The following GHR variants were observed in gnomAD, a reference collection of about 807,000 sequenced individuals.
GHR encodes the protein growth hormone receptor, also known as GH receptor.
A neutral mutation model predicts 67.1 loss-of-function variants in GHR; 35 were observed. The ratio of observed to expected loss-of-function variants is 0.52; its 90% CI spans 0.40 to 0.69. The LOEUF is 0.69. Among genes scored for constraint, GHR ranks in the 30% least tolerant of loss-of-function variants. The pLI is 0.00. For missense variants in GHR, 792 were observed against 764.6 expected (o/e 1.04, Z -0.42); for synonymous variants, 272 against 269.1 (o/e 1.01, Z -0.10).
chr5:42,515,563 T>C (rs893739616), intron 1 of GHR, among the ~76,000 whole-genome samples: 2 of 152,250 alleles, frequency 1.3e-5, no homozygotes, highest in Non-Finnish European at 2.9e-5. Flanking sequence ...AATGATTTCA[T>C]GCATTTAGTG....
At chr5:42,488,486 G>T (rs1745976779) in intron 1 of GHR, among the ~76,000 whole-genome samples, 1 of 152,070 alleles carries the variant, frequency 6.6e-6, no homozygotes, top group Admixed American at 6.5e-5. Context: ...CATTTCATCT[G>T]CTCTTTCTGC....
chr5:42,610,262 G>A (rs1161588235), intron 2 of GHR, among the ~76,000 whole-genome samples: 1 of 152,098 alleles, frequency 6.6e-6, no homozygotes, highest in Non-Finnish European at 1.5e-5. Flanking sequence ...ACACACCATT[G>A]GCAATGAACT....
chr5:42,663,619 C>G (rs1256761904), intron 3 of GHR, among the ~76,000 whole-genome samples: 1 of 152,106 alleles, frequency 6.6e-6, no homozygotes, highest in Non-Finnish European at 1.5e-5. Flanking sequence ...CTATATATGA[C>G]AAACCCACAG....
At position 42,694,922 on chromosome 5, in the gene GHR, C is replaced by G; in HGVS notation, c.272C>G (p.Thr91Ser). The part of the protein sequence containing the change: ...PIQLFYTRRN[T>S]QEWTQEWKEC... The stretch of plus-strand genomic sequence containing the variant: ...TTTTTAACCCTTCATTTTAGGAACA[C>G]TCAAGAATGGACTCAAGAATGGAAA... The change falls in exon 5 of 10, where the codon ACT becomes AGT. Residue 91 changes from threonine to serine, a missense_variant. By Grantham distance (58) the Thr-to-Ser change is moderately conservative. Coordinates refer to ENST00000230882, the MANE Select transcript of GHR (RefSeq NM_000163.5). 6.2e-7 allele frequency: 1 copy of G among 1,607,944 alleles called. No homozygotes were observed. Among genetic ancestry groups the G allele is most frequent in the East Asian group, 2.2e-5 (1 of 44,814 alleles).
At chr5:42,603,203 G>C (rs61011249) in intron 2 of GHR, among the ~76,000 whole-genome samples, 1 of 151,922 alleles carries the variant, frequency 6.6e-6, no homozygotes, top group Non-Finnish European at 1.5e-5. Context: ...GGCCTGCAAG[G>C]TTTCTGCAGA....
At chr5:42,695,126 T>C in intron 5 of GHR, 37 bp downstream of exon 5, 1 of 1,440,278 alleles carries the variant, frequency 6.9e-7, no homozygotes, top group East Asian at 2.3e-5. Flanking sequence ...GACATAGTTT[T>C]AGACTAAATA....
At chr5:42,527,109 C>T (rs903390219) in intron 1 of GHR, among the ~76,000 whole-genome samples, 15 of 152,104 alleles carry the variant, frequency 9.9e-5, no homozygotes, top group Admixed American at 2.0e-4. Context: ...AGACAGCTAC[C>T]ATCTAATACT....
At chr5:42,473,446 A>G (rs79213264) in intron 1 of GHR, among the ~76,000 whole-genome samples, 2,832 of 152,310 alleles carry the variant, frequency 0.019, 150 homozygotes, top group East Asian at 0.11. Flanking sequence ...TGTTGGATAT[A>G]TAGCAGGACA....
chr5:42,528,909 AT>A (rs1336301827), intron 1 of GHR, among the ~76,000 whole-genome samples: 3 of 152,170 alleles, frequency 2.0e-5, no homozygotes, highest in African/African-American at 7.2e-5. Flanking sequence ...GATGATTAGC[AT>A]TTTTAGCAAT....
chr5:42,488,864 C>A (rs989982191), intron 1 of GHR, among the ~76,000 whole-genome samples: 1 of 152,168 alleles, frequency 6.6e-6, no homozygotes, highest in Non-Finnish European at 1.5e-5. Flanking sequence ...ATTTACTCTT[C>A]ACAATAACCC....
intron 1 of GHR, among the ~76,000 whole-genome samples, chr5:42,511,984 T>C (rs1243678428): frequency 6.6e-6 from 1 of 152,210 alleles, no homozygotes; most frequent in African/African-American, 2.4e-5. Context: ...GTCCACAGAC[T>C]GCAGATAGAC....
At chr5:42,579,137 AGATG>A in intron 2 of GHR, among the ~76,000 whole-genome samples, 1 of 47,592 alleles carries the variant, frequency 2.1e-5, no homozygotes. Flanking sequence ...ATAGATAGAT[AGATG>A]ATAGATAGAT....
intron 2 of GHR, among the ~76,000 whole-genome samples, chr5:42,578,828 C>A (rs1327198908): frequency 1.3e-5 from 2 of 152,024 alleles, no homozygotes; most frequent in Non-Finnish European, 2.9e-5. Context: ...TTCATACCTG[C>A]TCCAATGATA....
At position 42,582,044 on chromosome 5, in the gene GHR, C is replaced by A. The variant is rs373041525; in HGVS notation, c.70+16100C>A. Among the ~76,000 whole-genome samples, 35 of 152,350 alleles carry A rather than the reference C, an allele frequency of 2.3e-4. No individual in the cohort carries two copies. In the South Asian group the frequency reaches 7.2e-3, roughly 32 times the overall value. On this transcript the variant is annotated intron_variant, in intron 2 of 9. Coordinates refer to ENST00000230882, the MANE Select transcript of GHR (RefSeq NM_000163.5). ...ACTCGGAGCAGTGCTGACACACCAGCCCCCTGGCACATAGGCACTCTCTGG... is the reference window on the plus strand; with the variant it reads ...ACTCGGAGCAGTGCTGACACACCAGACCCCTGGCACATAGGCACTCTCTGG...
chr5:42,494,775 A>G (rs1319970110), intron 1 of GHR, among the ~76,000 whole-genome samples: 2 of 152,150 alleles, frequency 1.3e-5, no homozygotes, highest in Non-Finnish European at 2.9e-5. Context: ...TCTTCTTGAA[A>G]TGTTGAATTT....
Position 42,695,015 on chromosome 5 carries a change from G to A in GHR, c.365G>A (p.Trp122Ter). The A allele has an allele frequency of 6.2e-7, 1 of 1,608,618 alleles. No homozygotes were observed. Among genetic ancestry groups the A allele is most frequent in the African/African-American group, 1.3e-5 (1 of 74,906 alleles). The change falls in exon 5 of 10, where the codon TGG (tryptophan) becomes TAG (stop). Residue 122 changes from tryptophan (W) to a stop codon, truncating the protein, a stop_gained. Coordinates refer to ENST00000230882, the MANE Select transcript of GHR (RefSeq NM_000163.5). LOFTEE classifies it high-confidence loss of function. Reference sequence around the variant, plus strand: ...TTTAATTCATCGTTTACCTCCATCTGGATACCTTATTGTATCAAGCTAACT... The same window carrying A: ...TTTAATTCATCGTTTACCTCCATCTAGATACCTTATTGTATCAAGCTAACT... Reference protein sequence around the residue: ...CYFNSSFTSIWIPYCIKLTSN... With the variant: ...CYFNSSFTSI
intron 1 of GHR, among the ~76,000 whole-genome samples, chr5:42,475,433 C>CG (rs1745259967): frequency 4.3e-5 from 5 of 116,070 alleles, no homozygotes. Context: ...TTATTATGGT[C>CG]ATTTTTTTTA....
chr5:42,618,186 T>C (rs1032737338), intron 2 of GHR, among the ~76,000 whole-genome samples: 5 of 152,098 alleles, frequency 3.3e-5, no homozygotes, highest in African/African-American at 1.2e-4. Context: ...CTACATTTGC[T>C]TGCTAGTAGA....
chr5:42,453,740 T>A (rs1197533652), intron 1 of GHR, among the ~76,000 whole-genome samples: 1 of 152,198 alleles, frequency 6.6e-6, no homozygotes, highest in Non-Finnish European at 1.5e-5. Flanking sequence ...AGAAAGGCTG[T>A]CTACAGGTGT....
Sources: allele counts gnomAD v4.1 joint callset (sites outside exome capture counted in the v4.1 genomes callset), GRCh38; gene constraint gnomAD v4.1.1; transcripts MANE v1.5; gene names NCBI Gene and HGNC (gene_info 2026-07-23, HGNC 2026-07-21).